The following CTXND2 variants were observed in gnomAD, a reference collection of about 807,000 sequenced individuals.
CTXND2 encodes cortexin domain containing 2.
intron 1 of CTXND2, among the ~76,000 whole-genome samples, chr1:150,900,937 A>G (rs1669011474): frequency 6.6e-6 from 1 of 152,154 alleles, no homozygotes; most frequent in Non-Finnish European, 1.5e-5. Flanking sequence ...CAAAATGGTG[A>G]GATCTTGTCT....
At chr1:150,892,694 A>G (rs1204716757) in intron 1 of CTXND2, among the ~76,000 whole-genome samples, 2 of 151,878 alleles carry the variant, frequency 1.3e-5, no homozygotes, top group East Asian at 3.9e-4. Context: ...GCCCACCACC[A>G]GGCCCAGCTA....
intron 1 of CTXND2, among the ~76,000 whole-genome samples, chr1:150,905,773 G>A (rs887870740): frequency 1.3e-5 from 2 of 150,634 alleles, no homozygotes; most frequent in East Asian, 2.0e-4. Flanking sequence ...GGCAGATCAC[G>A]AGGTCAGGAT....
rs191450673 is a variant in CTXND2, at chr1:150,898,815, C to A, written c.-74+11502C>A. Among the ~76,000 whole-genome samples, 1,312 of 144,554 alleles carry A rather than the reference C, an allele frequency of 9.1e-3. 9 individuals are homozygous for A. The highest frequency in any genetic ancestry group is 0.015 in the Non-Finnish European group (1,013 of 66,242). 94.8% of individuals were successfully genotyped at this position (144,554 alleles called of 152,430 possible). A position where few individuals can be genotyped will look rare whatever the true frequency, so the allele number is the denominator to read the frequency against. On this transcript the variant is annotated intron_variant, in intron 1 of 1. Transcript: ENST00000636087. ...CGGGGGGCCCGGGCACGGTGGCTCA[C>A]GCCTGCAATCCCAACACTCTGGGAA...
intron 1 of CTXND2, among the ~76,000 whole-genome samples, chr1:150,889,257 G>A (rs767070597): frequency 5.9e-5 from 9 of 151,702 alleles, no homozygotes; most frequent in Non-Finnish European, 1.2e-4. Context: ...AAACTTAGCC[G>A]GGCGTGGCAG....
chr1:150,904,922 A>G (rs1669109135), intron 1 of CTXND2, among the ~76,000 whole-genome samples: 1 of 152,198 alleles, frequency 6.6e-6, no homozygotes, highest in Admixed American at 6.5e-5. Context: ...ACAGCCATTC[A>G]GAAACATAAA....
At chr1:150,891,584 A>G (rs1322880209) in intron 1 of CTXND2, among the ~76,000 whole-genome samples, 3 of 152,160 alleles carry the variant, frequency 2.0e-5, no homozygotes, top group Admixed American at 6.5e-5. Context: ...ATGGCTCCCC[A>G]CTGATTACAA....
intron 1 of CTXND2, among the ~76,000 whole-genome samples, chr1:150,909,386 A>AAAAC (rs1253762230): frequency 2.0e-5 from 3 of 151,896 alleles, no homozygotes; most frequent in Admixed American, 2.0e-4. Context: ...CATCTCTACC[A>AAAAC]AAACAAACAA....
chr1:150,888,591 C>G lies in CTXND2; in HGVS notation c.-74+1278C>G, dbSNP rs924310304. ...CATGTTGTATAAATTTTAGGCCATA[C>G]AAAATCTGGATCACTGCATATGAAA... On this transcript the variant is annotated intron_variant, in intron 1 of 1. Coordinates refer to ENST00000636087, the Ensembl canonical transcript of CTXND2. 2.0e-5 allele frequency among the ~76,000 whole-genome samples: 3 copies of G among 151,958 alleles called. No individual in the cohort carries two copies. In the East Asian group the frequency reaches 5.8e-4, roughly 29 times the overall value.
At chr1:150,901,150 TAA>T (rs1176980638) in intron 1 of CTXND2, among the ~76,000 whole-genome samples, 3 of 152,170 alleles carry the variant, frequency 2.0e-5, no homozygotes, top group African/African-American at 7.2e-5. Flanking sequence ...CAATCCCACT[TAA>T]GATAACAAAA....
chr1:150,909,544 G>A (rs1466655978), intron 1 of CTXND2, among the ~76,000 whole-genome samples: 1 of 152,142 alleles, frequency 6.6e-6, no homozygotes, highest in African/African-American at 2.4e-5. Context: ...GTGACAAAGT[G>A]AGACCCTGTC....
chr1:150,911,842 T>G (rs1487208821), intron 1 of CTXND2, among the ~76,000 whole-genome samples: 1 of 152,186 alleles, frequency 6.6e-6, no homozygotes, highest in African/African-American at 2.4e-5. Flanking sequence ...AATAAAACAA[T>G]TTCATGTTCA....
At chr1:150,891,406 G>C (rs2102593717) in intron 1 of CTXND2, among the ~76,000 whole-genome samples, 2 of 152,136 alleles carry the variant, frequency 1.3e-5, no homozygotes, top group Middle Eastern at 3.4e-3. Context: ...GTAGAGACAG[G>C]GTTTCACTGT....
At chr1:150,890,042 T>C (rs1008080046) in intron 1 of CTXND2, among the ~76,000 whole-genome samples, 1 of 152,090 alleles carries the variant, frequency 6.6e-6, no homozygotes, top group Admixed American at 6.6e-5. Flanking sequence ...CAAGGTTCAG[T>C]ATGGTCCTGT....
intron 1 of CTXND2, among the ~76,000 whole-genome samples, chr1:150,900,272 C>G (rs952610967): frequency 6.6e-6 from 1 of 151,908 alleles, no homozygotes; most frequent in Non-Finnish European, 1.5e-5. Context: ...ACGAACAACT[C>G]CGGACTGCCA....
intron 1 of CTXND2, among the ~76,000 whole-genome samples, chr1:150,893,551 G>C (rs780758832): frequency 6.6e-6 from 1 of 152,008 alleles, no homozygotes; most frequent in Non-Finnish European, 1.5e-5. Context: ...CTTGATCTCC[G>C]GGCTTCAAGT....
chr1:150,907,387 A>G (rs587702584), intron 1 of CTXND2, among the ~76,000 whole-genome samples: 10 of 152,250 alleles, frequency 6.6e-5, no homozygotes, highest in Admixed American at 4.6e-4. Context: ...AGATTTCTCT[A>G]TTCTAGACTT....
chr1:150,903,641 T>C (rs587725447), intron 1 of CTXND2, among the ~76,000 whole-genome samples: 1 of 151,836 alleles, frequency 6.6e-6, no homozygotes, highest in South Asian at 2.1e-4. Context: ...CTACTAAAAA[T>C]ACAAAAAATT....
In CTXND2 at chr1:150,909,667, A is replaced by C. The variant is rs587751881; in HGVS notation, c.-73-2575A>C. Among the ~76,000 whole-genome samples the C allele has an allele frequency of 3.3e-5, 5 of 152,238 alleles. No individual in the cohort carries two copies. The South Asian group carries it at 6.2e-4, about 19-fold the overall frequency. On this transcript the variant is annotated intron_variant, in intron 1 of 1. Coordinates refer to ENST00000636087, the Ensembl canonical transcript of CTXND2. ...ACATTTAGGTCTTTGATCCATTTTA[A>C]GTTTATCTTTGTATGTGGTGTGAAA...
chr1:150,896,396 T>C (rs1454433493), intron 1 of CTXND2, among the ~76,000 whole-genome samples: 1 of 152,194 alleles, frequency 6.6e-6, no homozygotes, highest in Non-Finnish European at 1.5e-5. Context: ...GGCTTTTCTG[T>C]CACTCGCAAC....
Sources: allele counts gnomAD v4.1 joint callset (sites outside exome capture counted in the v4.1 genomes callset), GRCh38; gene constraint gnomAD v4.1.1; transcripts MANE v1.5; gene names NCBI Gene and HGNC (gene_info 2026-07-23, HGNC 2026-07-21).